RANBP9: variants seen among roughly 807,000 people sequenced by gnomAD.
RANBP9 encodes the protein RAN binding protein 9.
Under a neutral mutation model 84.3 loss-of-function variants are expected in RANBP9, and 15 were observed. The ratio of observed to expected loss-of-function variants is 0.18; its 90% CI spans 0.12 to 0.27. The LOEUF (loss-of-function observed/expected upper bound fraction) is 0.27. Ranked by LOEUF, RANBP9 falls within the 10% of genes least tolerant of loss-of-function variation. RANBP9 has a pLI of 1.00. For missense variants in RANBP9, 809 were observed against 912.8 expected (o/e 0.89, Z 1.46); for synonymous variants, 392 against 349.6 (o/e 1.12, Z -1.35).
Position 13,696,859 on chromosome 6 carries a change from T to A in RANBP9, c.609A>T (p.Arg203=). Residue 203 remains arginine (R), a synonymous_variant, in exon 2 of 14, where the codon CGA becomes CGT. Transcript: ENST00000011619. The stretch of plus-strand genomic sequence containing the variant: ...AGGCTGCTGGTATTGGATGCGTGGC[T>A]CGAACTGACGCGGCATCTTTTGGGG... ...GKTPKDAASV[R]ATHPIPAACG... 6.2e-7 allele frequency: 1 copy of A among 1,613,552 alleles called. No homozygotes were observed. Among genetic ancestry groups the A allele is most frequent in the Non-Finnish European group, 8.5e-7 (1 of 1,179,658 alleles).
At chr6:13,673,885 C>G (rs1765829065) in intron 2 of RANBP9, among the ~76,000 whole-genome samples, 1 of 151,996 alleles carries the variant, frequency 6.6e-6, no homozygotes, top group South Asian at 2.1e-4. Context: ...GAGTTCAAGA[C>G]CAGCCTGGCC....
chr6:13,685,284 T>TA (rs933878169), intron 2 of RANBP9, among the ~76,000 whole-genome samples: 1 of 152,174 alleles, frequency 6.6e-6, no homozygotes, highest in Non-Finnish European at 1.5e-5. Context: ...TTAATAAACT[T>TA]AGACTATGCC....
intron 2 of RANBP9, among the ~76,000 whole-genome samples, chr6:13,673,208 C>A (rs1765814400): frequency 3.3e-5 from 5 of 152,152 alleles, no homozygotes; most frequent in Admixed American, 2.6e-4. Context: ...TCAGATTTCT[C>A]TTCAGAAATC....
Position 13,657,030 on chromosome 6 carries a change from T to A in RANBP9, c.904+79A>T, listed in dbSNP as rs1313249168. On this transcript the variant is annotated intron_variant, in intron 4 of 13. Coordinates refer to ENST00000011619, the MANE Select transcript of RANBP9 (RefSeq NM_005493.3). ...CATCCATCTATAAAGGAGAATCACA[T>A]AATAAATACAACTACCATCCTGGAA... 24 of 1,330,528 alleles carry A rather than the reference T, an allele frequency of 1.8e-5. No homozygotes were observed. In the East Asian group the frequency reaches 5.7e-4, roughly 32 times the overall value. 82.4% of individuals were successfully genotyped at this position (1,330,528 alleles called of 1,614,324 possible).
chr6:13,682,088 C>A (rs143266289), intron 2 of RANBP9, among the ~76,000 whole-genome samples: 68 of 152,254 alleles, frequency 4.5e-4, no homozygotes, highest in African/African-American at 1.6e-3. Context: ...TCTCGAACTC[C>A]TGACCTCAGG....
At chr6:13,648,385 G>C (rs373765419) in intron 5 of RANBP9, among the ~76,000 whole-genome samples, 1 of 151,744 alleles carries the variant, frequency 6.6e-6, no homozygotes, top group Non-Finnish European at 1.5e-5. Context: ...TGATCCGCCC[G>C]CCTTGGCCTC....
chr6:13,689,470 C>T (rs1766274603), intron 2 of RANBP9, among the ~76,000 whole-genome samples: 1 of 151,930 alleles, frequency 6.6e-6, no homozygotes. Flanking sequence ...TGGGGTTTCA[C>T]TATATGTTGG....
At chr6:13,628,414 G>A (rs1185799087) in intron 12 of RANBP9, among the ~76,000 whole-genome samples, 1 of 152,120 alleles carries the variant, frequency 6.6e-6, no homozygotes, top group Non-Finnish European at 1.5e-5. Context: ...GGAGAAAAAA[G>A]CATGGTTGGA....
At position 13,656,433 on chromosome 6, in the gene RANBP9, A is replaced by C. The variant is rs145522954; in HGVS notation, c.904+676T>G. Among the ~76,000 whole-genome samples, 576 of 152,286 alleles carry C rather than the reference A, an allele frequency of 3.8e-3. 3 individuals are homozygous for C. The highest frequency in any genetic ancestry group is 0.013 in the African/African-American group (561 of 41,572). ...AAAAACTTCTAAGAAAATGGAATAT[A>C]ATGACCACATATAACTTTAAATTTG... On this transcript the variant is annotated intron_variant, in intron 4 of 13. Coordinates refer to ENST00000011619, the MANE Select transcript of RANBP9 (RefSeq NM_005493.3).
intron 2 of RANBP9, among the ~76,000 whole-genome samples, chr6:13,689,004 A>AAAAAAAAAAAAG (rs374538732): frequency 0.01 from 1,124 of 108,766 alleles, 157 homozygotes; most frequent in African/African-American, 0.014. Flanking sequence ...AAAAAAAAAA[A>AAAAAAAAAAAAG]TGCTGGGCAT....
intron 4 of RANBP9, among the ~76,000 whole-genome samples, chr6:13,653,815 T>C (rs1035448428): frequency 6.6e-6 from 1 of 152,124 alleles, no homozygotes; most frequent in African/African-American, 2.4e-5. Flanking sequence ...TCATGGTGGC[T>C]TGTTAAAAGG....
chr6:13,664,681 C>T (rs998725432), intron 2 of RANBP9, among the ~76,000 whole-genome samples: 6 of 152,106 alleles, frequency 3.9e-5, no homozygotes, highest in African/African-American at 1.4e-4. Flanking sequence ...ACCCCCAATA[C>T]ACTGATTTGA....
chr6:13,706,207 C>T (rs1032227903), intron 1 of RANBP9, among the ~76,000 whole-genome samples: 2 of 151,782 alleles, frequency 1.3e-5, no homozygotes, highest in Admixed American at 6.6e-5. Context: ...AGCCGGGCGT[C>T]GCGGCGGGCA....
At chr6:13,686,432 C>T (rs1201787610) in intron 2 of RANBP9, among the ~76,000 whole-genome samples, 1 of 151,774 alleles carries the variant, frequency 6.6e-6, no homozygotes, top group African/African-American at 2.4e-5. Flanking sequence ...TACAGGAATG[C>T]GCCACCACGC....
intron 12 of RANBP9, among the ~76,000 whole-genome samples, chr6:13,626,324 T>G (rs895808877): frequency 6.6e-6 from 1 of 152,262 alleles, no homozygotes; most frequent in Non-Finnish European, 1.5e-5. Context: ...GACAGTCGTC[T>G]TCTTTTCAAA....
intron 6 of RANBP9, 38 bp from the exon 7 acceptor site, chr6:13,642,629 A>G: frequency 7.4e-7 from 1 of 1,344,010 alleles, no homozygotes. Context: ...CTTTTAGTGA[A>G]GAGAATACAT....
chr6:13,670,912 C>G (rs758333435), intron 2 of RANBP9, among the ~76,000 whole-genome samples: 1 of 151,000 alleles, frequency 6.6e-6, no homozygotes, highest in Non-Finnish European at 1.5e-5. Context: ...GAATGGCAGA[C>G]AATATATGCA....
chr6:13,645,234 C>T (rs970500795), intron 5 of RANBP9, among the ~76,000 whole-genome samples: 3 of 151,936 alleles, frequency 2.0e-5, no homozygotes, highest in South Asian at 2.1e-4. Context: ...GGATGCCTAA[C>T]TTTACAAAGG....
chr6:13,700,265 G>A (rs1379667845), intron 1 of RANBP9, among the ~76,000 whole-genome samples: 1 of 152,096 alleles, frequency 6.6e-6, no homozygotes, highest in Non-Finnish European at 1.5e-5. Context: ...TAAATCAGCC[G>A]TCCTTCTATC....
Sources: gnomAD v4.1 joint callset for allele counts (sites outside exome capture counted in the v4.1 genomes callset) on GRCh38, gnomAD v4.1.1 for gene constraint, MANE v1.5 for transcripts, NCBI Gene and HGNC (gene_info 2026-07-23, HGNC 2026-07-21) for gene names.